The following FRMD6 variants were observed in gnomAD, a reference collection of about 807,000 sequenced individuals.
The protein encoded by FRMD6 is FERM domain containing 6, also known as FERM domain-containing protein 6.
In FRMD6, 37 loss-of-function variants were observed where a neutral mutation model predicts 73.2. That is an observed-to-expected ratio of 0.51 (90% confidence interval 0.39 to 0.66). The LOEUF (loss-of-function observed/expected upper bound fraction) is 0.66, where lower values mean the gene tolerates loss of function less well. Among genes scored for constraint, FRMD6 ranks in the 30% least tolerant of loss-of-function variants. The pLI is 0.00. For synonymous variants in FRMD6, 273 were observed against 282.2 expected (o/e 0.97, Z 0.33); for missense variants, 714 against 780.5 (o/e 0.91, Z 1.02).
intron 2 of FRMD6, among the ~76,000 whole-genome samples, chr14:51,690,510 C>T (rs999620261): frequency 1.3e-5 from 2 of 152,088 alleles, no homozygotes; most frequent in Non-Finnish European, 2.9e-5. Context: ...CTCAGCCTGC[C>T]GAGTAGCTGG....
At chr14:51,483,921 A>G in the FRMD6 span, among the ~76,000 whole-genome samples, 2 of 152,202 alleles carry the variant, frequency 1.3e-5, no homozygotes, top group Non-Finnish European at 1.5e-5. Context: ...AGATGATAAA[A>G]CTGAGGCTTG....
intron 1 of FRMD6, among the ~76,000 whole-genome samples, chr14:51,530,221 T>C (rs1463533617): frequency 1.3e-5 from 2 of 152,206 alleles, no homozygotes; most frequent in Admixed American, 6.5e-5. Flanking sequence ...GTCTGTATGG[T>C]GGACATACTA....
At chr14:51,700,012 C>T (rs767339416) in intron 3 of FRMD6, among the ~76,000 whole-genome samples, 5 of 151,870 alleles carry the variant, frequency 3.3e-5, no homozygotes, top group South Asian at 2.1e-4. Context: ...TTATAACCAA[C>T]GAGTAACTTT....
chr14:51,629,515 G>A, intron 2 of FRMD6, among the ~76,000 whole-genome samples: 1 of 152,096 alleles, frequency 6.6e-6, no homozygotes, highest in Non-Finnish European at 1.5e-5. Flanking sequence ...CCACATCCTT[G>A]TCAACACTTC....
intron 2 of FRMD6, among the ~76,000 whole-genome samples, chr14:51,608,921 A>T (rs1214045116): frequency 1.3e-5 from 2 of 152,168 alleles, no homozygotes; most frequent in Admixed American, 6.5e-5. Flanking sequence ...CACTGGTGAG[A>T]AGGAATGTCC....
chr14:51,483,020 A>G, the FRMD6 span, among the ~76,000 whole-genome samples: 2 of 152,248 alleles, frequency 1.3e-5, no homozygotes, highest in South Asian at 2.1e-4. Context: ...TTTTTAATGC[A>G]TCCAGTGATG....
intron 1 of FRMD6, among the ~76,000 whole-genome samples, chr14:51,499,989 C>T (rs188148490): frequency 1.4e-4 from 21 of 152,286 alleles, no homozygotes; most frequent in Admixed American, 1.2e-3. Context: ...CTCAGCAGGG[C>T]TCCTGCTAAC....
intron 2 of FRMD6, among the ~76,000 whole-genome samples, chr14:51,597,542 G>T (rs188458110): frequency 6.6e-6 from 1 of 152,306 alleles, no homozygotes; most frequent in African/African-American, 2.4e-5. Flanking sequence ...AATGTGTAAC[G>T]AGGAAAGGCA....
chr14:51,582,955 A>G (rs971147339), intron 2 of FRMD6, among the ~76,000 whole-genome samples: 2 of 152,232 alleles, frequency 1.3e-5, no homozygotes, highest in Non-Finnish European at 2.9e-5. Flanking sequence ...AGAATATTTT[A>G]TCCTTTTATT....
At chr14:51,623,513 C>G (rs145177237) in intron 2 of FRMD6, among the ~76,000 whole-genome samples, 29 of 152,286 alleles carry the variant, frequency 1.9e-4, no homozygotes, top group Non-Finnish European at 2.4e-4. Flanking sequence ...TTTGAAAGGA[C>G]ACACAGATTT....
chr14:51,592,429 G>A (rs1889452551), intron 2 of FRMD6, among the ~76,000 whole-genome samples: 1 of 152,128 alleles, frequency 6.6e-6, no homozygotes, highest in South Asian at 2.1e-4. Context: ...TCCCATCCCT[G>A]GAGCCCTGTA....
chr14:51,696,312 A>G (rs1895938901), intron 2 of FRMD6, among the ~76,000 whole-genome samples: 2 of 151,524 alleles, frequency 1.3e-5, no homozygotes, highest in South Asian at 4.1e-4. Flanking sequence ...AACAAGATAG[A>G]ATCAGCAGAA....
At chr14:51,443,435 C>G in the FRMD6 span, among the ~76,000 whole-genome samples, 1 of 152,194 alleles carries the variant, frequency 6.6e-6, no homozygotes, top group Non-Finnish European at 1.5e-5. Flanking sequence ...TAATTCAACC[C>G]TCACTCTCTC....
the FRMD6 span, among the ~76,000 whole-genome samples, chr14:51,407,496 T>G: frequency 6.6e-6 from 1 of 151,926 alleles, no homozygotes; most frequent in East Asian, 1.9e-4. Flanking sequence ...AAAAATAAAA[T>G]TTCACCAGTT....
chr14:51,406,451 T>C, the FRMD6 span, among the ~76,000 whole-genome samples: 1 of 152,184 alleles, frequency 6.6e-6, no homozygotes, highest in Non-Finnish European at 1.5e-5. Flanking sequence ...TTCCTAGCCA[T>C]GAGCATGCGA....
At chr14:51,724,249 G>A (rs1370210616) in intron 12 of FRMD6, 2 of 151,576 alleles carry the variant, frequency 1.3e-5, no homozygotes, top group Non-Finnish European at 2.9e-5. Context: ...GAGTAGTGAT[G>A]AAGTATACCA....
chr14:51,434,496 G>GTA, the FRMD6 span, among the ~76,000 whole-genome samples: 1 of 131,964 alleles, frequency 7.6e-6, no homozygotes, highest in East Asian at 2.3e-4. Context: ...AGTAAAAATT[G>GTA]GGACAATTTG....
the FRMD6 span, among the ~76,000 whole-genome samples, chr14:51,398,205 G>A: frequency 2.6e-5 from 4 of 152,124 alleles, no homozygotes; most frequent in African/African-American, 9.7e-5. Flanking sequence ...TTAATGCTTT[G>A]GTCTATTTCC....
chr14:51,519,637 G>A (rs1192635531), intron 1 of FRMD6, among the ~76,000 whole-genome samples: 1 of 152,094 alleles, frequency 6.6e-6, no homozygotes, highest in African/African-American at 2.4e-5. Flanking sequence ...CAACTTTTCA[G>A]TCACTTTCTC....
Sources: allele counts gnomAD v4.1 joint callset (sites outside exome capture counted in the v4.1 genomes callset), GRCh38; gene constraint gnomAD v4.1.1; transcripts MANE v1.5; gene names NCBI Gene and HGNC (gene_info 2026-07-23, HGNC 2026-07-21).